The following VWA3B variants were observed in gnomAD, a reference collection of about 807,000 sequenced individuals.
The protein encoded by VWA3B is von Willebrand factor A domain-containing protein 3B.
VWA3B carries 138 observed loss-of-function variants against 158.3 expected under a neutral mutation model. That is an observed-to-expected ratio of 0.87 (90% confidence interval 0.76 to 1.00). The LOEUF (loss-of-function observed/expected upper bound fraction) is 1.00. Among genes scored for constraint, VWA3B ranks in the 50% least tolerant of loss-of-function variants. The pLI, the probability that VWA3B is intolerant of heterozygous loss-of-function variation, is 0.00. For missense variants in VWA3B, 1,555 were observed against 1,565.1 expected (o/e 0.99, Z 0.11); for synonymous variants, 596 against 587.3 (o/e 1.01, Z -0.21).
At chr2:98,100,842 T>G (rs1156326390) in intron 2 of VWA3B, among the ~76,000 whole-genome samples, 2 of 152,142 alleles carry the variant, frequency 1.3e-5, no homozygotes, top group African/African-American at 4.8e-5. Flanking sequence ...CTTTATACCC[T>G]CATATTATGC....
chr2:98,239,458 C>T (rs1186991607), intron 19 of VWA3B, among the ~76,000 whole-genome samples: 12 of 151,664 alleles, frequency 7.9e-5, no homozygotes. Context: ...GTGGTACTTT[C>T]CCCTTCCCTC....
At chr2:98,116,942 T>A (rs1485105005) in intron 3 of VWA3B, among the ~76,000 whole-genome samples, 5 of 152,256 alleles carry the variant, frequency 3.3e-5, no homozygotes, top group Non-Finnish European at 7.3e-5. Context: ...TTATGATATT[T>A]CTGTAGTGAA....
intron 2 of VWA3B, among the ~76,000 whole-genome samples, chr2:98,111,499 A>T (rs1045916709): frequency 6.6e-6 from 1 of 152,170 alleles, no homozygotes; most frequent in Non-Finnish European, 1.5e-5. Context: ...AGGTTGTACT[A>T]ATTTACATTC....
the VWA3B span, among the ~76,000 whole-genome samples, chr2:98,325,403 C>T: frequency 6.6e-6 from 1 of 152,150 alleles, no homozygotes; most frequent in Non-Finnish European, 1.5e-5. Flanking sequence ...AAAAGAAAAC[C>T]TCTCAACCCA....
chr2:98,140,438 C>G (rs1676685806), intron 7 of VWA3B, among the ~76,000 whole-genome samples: 1 of 152,202 alleles, frequency 6.6e-6, no homozygotes, highest in Non-Finnish European at 1.5e-5. Context: ...GCCTCTCCTC[C>G]TCGTAGCTGT....
At position 98,211,441 on chromosome 2, in the gene VWA3B, T is replaced by G. The variant is rs74627779; in HGVS notation, c.1738-489T>G. 3.3e-3 allele frequency among the ~76,000 whole-genome samples: 501 copies of G among 152,336 alleles called. 5 individuals are homozygous for G. Among genetic ancestry groups the G allele is most frequent in the South Asian group, 0.018 (87 of 4,822 alleles). On this transcript the variant is annotated intron_variant, in intron 12 of 27. Transcript: ENST00000477737. Reference sequence around the variant, plus strand: ...TAAGTGTTTACTACGATTTGAGAGATTGCTAAAAACAGAACTTGTCAGGTA... The same window carrying G: ...TAAGTGTTTACTACGATTTGAGAGAGTGCTAAAAACAGAACTTGTCAGGTA...
At chr2:98,183,754 T>C (rs1301197430) in intron 9 of VWA3B, among the ~76,000 whole-genome samples, 1 of 152,238 alleles carries the variant, frequency 6.6e-6, no homozygotes, top group African/African-American at 2.4e-5. Context: ...TAGGTATAAA[T>C]GCTGCTTCTA....
chr2:98,156,180 C>T (rs533420333), intron 7 of VWA3B, among the ~76,000 whole-genome samples: 22 of 152,266 alleles, frequency 1.4e-4, no homozygotes, highest in African/African-American at 5.3e-4. Context: ...TTTGTATTTC[C>T]AGTGTCCGGA....
downstream of VWA3B, among the ~76,000 whole-genome samples, chr2:98,315,975 C>T (rs888530177): frequency 1.3e-5 from 2 of 152,208 alleles, no homozygotes; most frequent in African/African-American, 4.8e-5. Flanking sequence ...AGTTGATTCT[C>T]ACTATTCATG....
intron 21 of VWA3B, among the ~76,000 whole-genome samples, chr2:98,261,336 A>C (rs1377526669): frequency 6.6e-6 from 1 of 151,768 alleles, no homozygotes; most frequent in Admixed American, 6.6e-5. Flanking sequence ...TTATTGTCAC[A>C]AATTATATCA....
chr2:98,218,946 C>T (rs12993818), intron 14 of VWA3B, among the ~76,000 whole-genome samples: 86,963 of 152,016 alleles, frequency 0.57, 25,331 homozygotes, highest in South Asian at 0.81. Flanking sequence ...GGTCTTGCCT[C>T]GGTAGTGGGA....
chr2:98,184,511 C>T (rs1403887344), intron 9 of VWA3B, among the ~76,000 whole-genome samples: 1 of 152,250 alleles, frequency 6.6e-6, no homozygotes, highest in East Asian at 1.9e-4. Flanking sequence ...CAGTAGTCTA[C>T]TGAGTCCACT....
At position 98,248,219 on chromosome 2, in the gene VWA3B, ATTAAT is replaced by A. The variant is rs1282987660; in HGVS notation, c.2674-2094_2674-2090del. Among the ~76,000 whole-genome samples the A allele has an allele frequency of 2.6e-5, 4 of 152,272 alleles. No individual in the cohort carries two copies. In the East Asian group the frequency reaches 7.7e-4, roughly 29 times the overall value. On this transcript the variant is annotated intron_variant, in intron 19 of 27. Transcript: ENST00000477737. ...TAATAAATAAACAATTTTAATCATA[ATTAAT>A]TTAAAGTCATTGTTAGATGGCTCAT...
At chr2:98,261,033 T>A (rs765799815) in intron 21 of VWA3B, among the ~76,000 whole-genome samples, 11 of 151,860 alleles carry the variant, frequency 7.2e-5, no homozygotes, top group Non-Finnish European at 1.6e-4. Context: ...TTAAAGTGAT[T>A]ACCAATAATG....
intron 10 of VWA3B, among the ~76,000 whole-genome samples, chr2:98,188,710 A>G (rs975425202): frequency 2.0e-5 from 3 of 152,220 alleles, no homozygotes; most frequent in Non-Finnish European, 4.4e-5. Flanking sequence ...TCCATGGTGT[A>G]TATATACCAG....
chr2:98,271,969 A>G (rs950899075), intron 22 of VWA3B, among the ~76,000 whole-genome samples: 8 of 152,214 alleles, frequency 5.3e-5, no homozygotes, highest in Admixed American at 2.0e-4. Flanking sequence ...AGTTCTCTCA[A>G]CCGGTGCTCT....
intron 13 of VWA3B, among the ~76,000 whole-genome samples, chr2:98,215,684 A>AT (rs1488322975): frequency 2.6e-5 from 4 of 151,612 alleles, no homozygotes; most frequent in East Asian, 2.0e-4. Context: ...CACCCGGCTA[A>AT]TTTTTGTATT....
intron 26 of VWA3B, among the ~76,000 whole-genome samples, chr2:98,311,392 C>A (rs543412153): frequency 1.3e-5 from 2 of 152,332 alleles, no homozygotes; most frequent in Non-Finnish European, 2.9e-5. Context: ...CGATAGTATA[C>A]CTTGGAGTCA....
intron 12 of VWA3B, among the ~76,000 whole-genome samples, chr2:98,205,772 CTT>C (rs1198945346): frequency 2.0e-5 from 3 of 152,058 alleles, no homozygotes; most frequent in African/African-American, 7.2e-5. Context: ...TGTGATTTAA[CTT>C]TTGGGCCATG....
Sources: allele counts gnomAD v4.1 joint callset (sites outside exome capture counted in the v4.1 genomes callset), GRCh38; gene constraint gnomAD v4.1.1; transcripts MANE v1.5; gene names NCBI Gene and HGNC (gene_info 2026-07-23, HGNC 2026-07-21).